The following FBN1 variants were observed in gnomAD, a reference collection of about 807,000 sequenced individuals.
FBN1 encodes fibrillin-1.
In FBN1, 29 loss-of-function variants were observed where a neutral mutation model predicts 365.1. The ratio of observed to expected loss-of-function variants is 0.08; its 90% CI spans 0.06 to 0.11. The LOEUF (loss-of-function observed/expected upper bound fraction) is 0.11, where lower values mean the gene tolerates loss of function less well. FBN1 is among the 10% of genes least tolerant of loss of function. FBN1 has a pLI of 1.00. For synonymous variants in FBN1, 1,210 were observed against 1,270.5 expected (o/e 0.95, Z 1.01); for missense variants, 2,476 against 3,703.2 (o/e 0.67, Z 8.60).
chr15:48,563,577 A>G (rs2044239797), intron 6 of FBN1, among the ~76,000 whole-genome samples: 1 of 152,210 alleles, frequency 6.6e-6, no homozygotes, highest in African/African-American at 2.4e-5. Flanking sequence ...AAAAATTTCC[A>G]AGCAATTAAG....
chr15:48,534,300 A>C (rs1045647088), intron 7 of FBN1, 95 bp from the exon 8 acceptor site: 1 of 1,295,674 alleles, frequency 7.7e-7, no homozygotes, highest in East Asian at 2.3e-5. Context: ...TTATGTTACC[A>C]TATTTATATC....
At chr15:48,469,710 C>T (rs1037465971) in intron 36 of FBN1, among the ~76,000 whole-genome samples, 1 of 151,946 alleles carries the variant, frequency 6.6e-6, no homozygotes. Flanking sequence ...GTAACAGAAA[C>T]GAGATTAGAC....
At chr15:48,517,629 A>C (rs1369180247) in intron 10 of FBN1, among the ~76,000 whole-genome samples, 1 of 152,248 alleles carries the variant, frequency 6.6e-6, no homozygotes, top group African/African-American at 2.4e-5. Flanking sequence ...AGCAGTATCC[A>C]GGTTTCCAAG....
intron 34 of FBN1, among the ~76,000 whole-genome samples, chr15:48,472,948 G>A (rs937973426): frequency 5.9e-5 from 9 of 152,306 alleles, no homozygotes; most frequent in Admixed American, 2.6e-4. Flanking sequence ...AGGGTCATCC[G>A]CATGGAGGGC....
intron 50 of FBN1, among the ~76,000 whole-genome samples, chr15:48,439,224 C>G (rs1432309291): frequency 2.0e-5 from 3 of 152,204 alleles, no homozygotes; most frequent in African/African-American, 7.2e-5. Context: ...TTCAGGTAGC[C>G]TCCCCAGTAA....
intron 13 of FBN1, among the ~76,000 whole-genome samples, chr15:48,511,169 TCTGA>T (rs2043755996): frequency 6.6e-6 from 1 of 152,294 alleles, no homozygotes; most frequent in East Asian, 1.9e-4. Flanking sequence ...TGTCAGTTAC[TCTGA>T]CTGTTTACCC....
At chr15:48,503,493 T>C (rs566245825) in intron 17 of FBN1, among the ~76,000 whole-genome samples, 1 of 152,152 alleles carries the variant, frequency 6.6e-6, no homozygotes, top group African/African-American at 2.4e-5. Context: ...AATGCAAACA[T>C]CATGAAACAA....
intron 6 of FBN1, among the ~76,000 whole-genome samples, chr15:48,548,601 G>C (rs1039343042): frequency 2.0e-5 from 3 of 152,196 alleles, no homozygotes; most frequent in African/African-American, 7.2e-5. Context: ...AGGGCACTGT[G>C]TTACTCTGTT....
chr15:48,623,680 A>G (rs1889812999), intron 2 of FBN1, among the ~76,000 whole-genome samples: 1 of 152,208 alleles, frequency 6.6e-6, no homozygotes, highest in Admixed American at 6.5e-5. Flanking sequence ...AATCATGACA[A>G]AATTCATAGA....
chr15:48,488,540 A>C, intron 25 of FBN1, 47 bp from the exon 26 acceptor site: 1 of 1,601,942 alleles, frequency 6.2e-7, no homozygotes, highest in Non-Finnish European at 8.5e-7. Context: ...ATGAGCAAGC[A>C]GTCAGGAGGT....
At chr15:48,536,107 C>A (rs1333532110) in intron 7 of FBN1, among the ~76,000 whole-genome samples, 1 of 151,558 alleles carries the variant, frequency 6.6e-6, no homozygotes, top group Admixed American at 6.6e-5. Flanking sequence ...GTGGCAGAAT[C>A]TCTTAGAAAA....
chr15:48,638,361 GA>G (rs1392431407), intron 2 of FBN1, among the ~76,000 whole-genome samples: 1 of 151,918 alleles, frequency 6.6e-6, no homozygotes, highest in Admixed American at 6.6e-5. Context: ...AGGTATGAAA[GA>G]AAAAAATTTA....
chr15:48,510,038 T>C lies in FBN1; in HGVS notation c.1714+6A>G, dbSNP rs1417627536. ...GAGAGGACTAACATTAGTATACTATTATTACCTTCACAGTTCTTCCCATCT... is the reference window on the plus strand; with the variant it reads ...GAGAGGACTAACATTAGTATACTATCATTACCTTCACAGTTCTTCCCATCT... On this transcript the variant is annotated splice_donor_region_variant and intron_variant, in intron 14 of 65. Coordinates refer to ENST00000316623, the MANE Select transcript of FBN1 (RefSeq NM_000138.5). 3.1e-6 allele frequency: 5 copies of C among 1,613,028 alleles called. No homozygotes were observed. In the South Asian group the frequency reaches 5.5e-5, roughly 18 times the overall value.
At chr15:48,555,407 G>C (rs1054731615) in intron 6 of FBN1, among the ~76,000 whole-genome samples, 2 of 152,148 alleles carry the variant, frequency 1.3e-5, no homozygotes, top group African/African-American at 4.8e-5. Flanking sequence ...GAACATGTCT[G>C]GTTGTCTCGC....
At chr15:48,580,358 GATCA>G (rs1471696027) in intron 6 of FBN1, among the ~76,000 whole-genome samples, 1 of 152,216 alleles carries the variant, frequency 6.6e-6, no homozygotes, top group African/African-American at 2.4e-5. Context: ...TCAAGCAATC[GATCA>G]ATCAGTCTCT....
At position 48,613,333 on chromosome 15, in the gene FBN1, G is replaced by A. The variant is rs147108497; in HGVS notation, c.165-241C>T. Among the ~76,000 whole-genome samples, 582 of 152,204 alleles carry A rather than the reference G, an allele frequency of 3.8e-3. 6 individuals are homozygous for A. Among genetic ancestry groups the A allele is most frequent in the African/African-American group, 0.013 (557 of 41,530 alleles). On this transcript the variant is annotated intron_variant, in intron 2 of 65. Transcript: ENST00000316623. ...GCCCATCAGGGAAATAAAAACCAGA[G>A]ATACAAAATGTAGCACATTCTGTCA...
At chr15:48,601,861 C>A (rs1007859388) in intron 4 of FBN1, among the ~76,000 whole-genome samples, 1 of 152,160 alleles carries the variant, frequency 6.6e-6, no homozygotes, top group Admixed American at 6.5e-5. Flanking sequence ...CCATCAAAGG[C>A]CTGTTTCTAC....
rs139141071 is a variant in FBN1 at position 48,507,401 on chromosome 15, A to G, written c.1837+1181T>C. Among the ~76,000 whole-genome samples the G allele has an allele frequency of 3.5e-4, 53 of 152,264 alleles. No individual in the cohort carries two copies. In the East Asian group the frequency reaches 9.7e-3, roughly 28 times the overall value. On this transcript the variant is annotated intron_variant, in intron 15 of 65. Coordinates refer to ENST00000316623, the MANE Select transcript of FBN1 (RefSeq NM_000138.5). ...CTATGTGTTAATCCTGTCTTCTCATATAAGTTCCTCCTAGCACAGGGCTCA... is the reference window on the plus strand; with the variant it reads ...CTATGTGTTAATCCTGTCTTCTCATGTAAGTTCCTCCTAGCACAGGGCTCA...
intron 10 of FBN1, among the ~76,000 whole-genome samples, chr15:48,516,988 A>G (rs1304473407): frequency 6.6e-6 from 1 of 152,192 alleles, no homozygotes; most frequent in Non-Finnish European, 1.5e-5. Context: ...AGATAAATGT[A>G]TAGTGCTCAG....
Sources: allele counts gnomAD v4.1 joint callset (sites outside exome capture counted in the v4.1 genomes callset), GRCh38; gene constraint gnomAD v4.1.1; transcripts MANE v1.5; gene names NCBI Gene and HGNC (gene_info 2026-07-23, HGNC 2026-07-21).